Variants in ROR1 observed in about 807,000 individuals in gnomAD.
The protein encoded by ROR1 is ROR family WNT receptor 1.
In ROR1, 19 loss-of-function variants were observed where a neutral mutation model predicts 78.8. That is an observed-to-expected ratio of 0.24 (90% CI 0.17 to 0.35). ROR1 has a LOEUF of 0.35. ROR1 is among the 10% of genes least tolerant of loss of function. The pLI is 1.00. For synonymous variants in ROR1, 386 were observed against 433.6 expected, an observed-to-expected ratio of 0.89 and a Z score of 1.36; for missense variants, 917 against 1,177.8, an observed-to-expected ratio of 0.78 and a Z score of 3.24.
At chr1:64,076,812 T>C (rs1647053645) in intron 4 of ROR1, among the ~76,000 whole-genome samples, 1 of 152,254 alleles carries the variant, frequency 6.6e-6, no homozygotes, top group Non-Finnish European at 1.5e-5. Flanking sequence ...TATATTTATA[T>C]GCTAATTTTA....
rs116267611 is a variant in ROR1 at position 64,044,031 on chromosome 1, G to A, written c.164-5660G>A. On this transcript the variant is annotated intron_variant, in intron 2 of 8. Transcript: ENST00000371079. ...GCATTTCATTTTCCTACATTGTAAA[G>A]GTAACAAATCCTTTTTAATTCAGAG... Among the ~76,000 whole-genome samples the A allele has an allele frequency of 3.9e-3, 591 of 152,272 alleles. 7 individuals are homozygous for A. Among genetic ancestry groups the A allele is most frequent in the African/African-American group, 0.013 (559 of 41,548 alleles).
chr1:64,113,968 T>C (rs959120246), intron 4 of ROR1, among the ~76,000 whole-genome samples: 2 of 152,102 alleles, frequency 1.3e-5, no homozygotes, highest in Non-Finnish European at 1.5e-5. Context: ...CGTGGTGATA[T>C]ATGTGGATTA....
chr1:64,091,522 G>A (rs927844706), intron 4 of ROR1, among the ~76,000 whole-genome samples: 2 of 152,068 alleles, frequency 1.3e-5, no homozygotes, highest in African/African-American at 2.4e-5. Flanking sequence ...CTGGGATCCC[G>A]AAAATCATCC....
intron 1 of ROR1, among the ~76,000 whole-genome samples, chr1:63,923,136 C>T (rs141443698): frequency 3.9e-5 from 6 of 152,322 alleles, no homozygotes; most frequent in Admixed American, 3.9e-4. Flanking sequence ...GCGTGTGACA[C>T]CTGCCCTTGG....
chr1:64,014,260 A>G (rs1474768591), intron 2 of ROR1, among the ~76,000 whole-genome samples: 1 of 152,098 alleles, frequency 6.6e-6, no homozygotes, highest in Non-Finnish European at 1.5e-5. Flanking sequence ...GCAGCTCCCC[A>G]GCCACACTCA....
At chr1:64,176,450 G>T (rs1454279625) in intron 8 of ROR1, among the ~76,000 whole-genome samples, 1 of 152,000 alleles carries the variant, frequency 6.6e-6, no homozygotes, top group Non-Finnish European at 1.5e-5. Flanking sequence ...CAATAACATG[G>T]TAAGTACAAT....
chr1:63,951,773 T>C (rs1645939283), intron 1 of ROR1, among the ~76,000 whole-genome samples: 1 of 152,110 alleles, frequency 6.6e-6, no homozygotes, highest in African/African-American at 2.4e-5. Flanking sequence ...TATAGAAGCT[T>C]TAGACCCCAT....
chr1:63,974,765 G>A (rs547325627), intron 1 of ROR1, among the ~76,000 whole-genome samples: 2 of 152,234 alleles, frequency 1.3e-5, no homozygotes, highest in East Asian at 3.9e-4. Context: ...AGCCTCCTGA[G>A]TAGCTAGAAC....
intron 2 of ROR1, among the ~76,000 whole-genome samples, chr1:64,016,104 G>C (rs1259416491): frequency 6.6e-6 from 1 of 152,162 alleles, no homozygotes. Context: ...TCTAGTTCCA[G>C]CTCAGCTCCA....
chr1:64,179,006 A>T lies in ROR1; in HGVS notation c.*151A>T. ...GAAGTTTCACTGTGTCTTACCAAGC[A>T]GGACAGACACTCGGCCAGAAAAAAA... On this transcript the variant is annotated 3_prime_UTR_variant, in exon 9 of 9. Transcript: ENST00000371079. 2.5e-6 allele frequency: 1 copy of T among 401,070 alleles called. No individual in the cohort carries two copies. The allele number at this position is 401,070 out of a possible 1,614,324, so 24.8% of individuals were successfully genotyped here.
intron 1 of ROR1, among the ~76,000 whole-genome samples, chr1:63,823,839 C>G (rs1241925909): frequency 1.3e-5 from 2 of 152,018 alleles, no homozygotes; most frequent in Admixed American, 1.3e-4. Context: ...CCTCTGCCTC[C>G]CGGGTTCAAG....
intron 1 of ROR1, among the ~76,000 whole-genome samples, chr1:63,913,061 C>T (rs1168412443): frequency 6.6e-6 from 1 of 151,502 alleles, no homozygotes; most frequent in African/African-American, 2.4e-5. Flanking sequence ...AAAAAAGGCT[C>T]CACCTTCAGG....
chr1:63,933,586 G>A (rs1248695413), intron 1 of ROR1, among the ~76,000 whole-genome samples: 2 of 152,174 alleles, frequency 1.3e-5, no homozygotes, highest in Non-Finnish European at 2.9e-5. Flanking sequence ...CATTTCTTGG[G>A]CAGAGATACT....
intron 2 of ROR1, among the ~76,000 whole-genome samples, chr1:64,038,718 G>C (rs1487506848): frequency 6.6e-6 from 1 of 152,076 alleles, no homozygotes; most frequent in East Asian, 1.9e-4. Flanking sequence ...AGTGATCTTT[G>C]AGTGCAGGCT....
intron 1 of ROR1, among the ~76,000 whole-genome samples, chr1:63,787,095 C>T (rs1411096684): frequency 6.6e-6 from 1 of 152,140 alleles, no homozygotes; most frequent in African/African-American, 2.4e-5. Context: ...GGAATTTCTA[C>T]CCTCACACCG....
At chr1:63,924,748 A>G (rs1226672807) in intron 1 of ROR1, among the ~76,000 whole-genome samples, 1 of 151,988 alleles carries the variant, frequency 6.6e-6, no homozygotes, top group East Asian at 1.9e-4. Flanking sequence ...AGTATTTAAC[A>G]AGAGAGCAGC....
At chr1:64,131,576 C>T (rs1648914213) in intron 4 of ROR1, among the ~76,000 whole-genome samples, 1 of 151,754 alleles carries the variant, frequency 6.6e-6, no homozygotes, top group African/African-American at 2.4e-5. Context: ...GTGGAATTCA[C>T]ATAACATAGA....
At chr1:63,850,034 T>A (rs1233522190) in intron 1 of ROR1, among the ~76,000 whole-genome samples, 4 of 152,240 alleles carry the variant, frequency 2.6e-5, no homozygotes, top group African/African-American at 9.6e-5. Context: ...TTCATTCCCA[T>A]GCATGTTTTT....
chr1:63,823,728 C>T (rs1367383416), intron 1 of ROR1, among the ~76,000 whole-genome samples: 1 of 151,554 alleles, frequency 6.6e-6, no homozygotes, highest in Non-Finnish European at 1.5e-5. Flanking sequence ...GTTGGAATTA[C>T]AGGCATGAGC....
Sources: gnomAD v4.1 joint callset for allele counts (sites outside exome capture counted in the v4.1 genomes callset) on GRCh38, gnomAD v4.1.1 for gene constraint, MANE v1.5 for transcripts, NCBI Gene and HGNC (gene_info 2026-07-23, HGNC 2026-07-21) for gene names.